RGS6: variants seen among roughly 807,000 people sequenced by gnomAD.
RGS6 encodes regulator of G-protein signaling 6.
Under a neutral mutation model 78.5 loss-of-function variants are expected in RGS6, and 30 were observed. The ratio of observed to expected loss-of-function variants is 0.38; its 90% CI spans 0.29 to 0.52. The LOEUF is 0.52. Among genes scored for constraint, RGS6 ranks in the 20% least tolerant of loss-of-function variants. RGS6 has a pLI of 0.85. For synonymous variants in RGS6, 206 were observed against 206.0 expected, an observed-to-expected ratio of 1.00 and a Z score of 0.00; for missense variants, 495 against 609.7, an observed-to-expected ratio of 0.81 and a Z score of 1.98.
chr14:72,004,219 C>G (rs1324707445), intron 2 of RGS6, among the ~76,000 whole-genome samples: 1 of 152,100 alleles, frequency 6.6e-6, no homozygotes, highest in Non-Finnish European at 1.5e-5. Context: ...GAACTTGGCT[C>G]AACCATTTAC....
chr14:72,082,557 T>A (rs1484214029), intron 2 of RGS6, among the ~76,000 whole-genome samples: 1 of 152,138 alleles, frequency 6.6e-6, no homozygotes, highest in Non-Finnish European at 1.5e-5. Context: ...ATGTTTAAGG[T>A]GGCAGATATA....
intron 1 of RGS6, among the ~76,000 whole-genome samples, chr14:71,944,206 C>A (rs879315063): frequency 1.3e-5 from 2 of 152,096 alleles, no homozygotes; most frequent in South Asian, 2.1e-4. Flanking sequence ...ACTATGGGTC[C>A]GTCATATGGT....
intron 3 of RGS6, among the ~76,000 whole-genome samples, chr14:72,454,225 G>A (rs1025747076): frequency 2.6e-5 from 4 of 152,302 alleles, no homozygotes; most frequent in Middle Eastern, 3.4e-3. Context: ...CTGGGGGCCA[G>A]GCATGATAAA....
chr14:72,207,513 G>A (rs1176461781), intron 2 of RGS6, among the ~76,000 whole-genome samples: 1 of 152,138 alleles, frequency 6.6e-6, no homozygotes. Context: ...TTCCATGGCT[G>A]CCCATTGCCC....
chr14:72,259,867 C>A (rs948182945), intron 2 of RGS6, among the ~76,000 whole-genome samples: 1 of 139,002 alleles, frequency 7.2e-6, no homozygotes. Flanking sequence ...GCCGAGATCG[C>A]GCCACTGCAC....
intron 2 of RGS6, among the ~76,000 whole-genome samples, chr14:72,025,629 C>T (rs1253001622): frequency 6.6e-6 from 1 of 152,086 alleles, no homozygotes; most frequent in African/African-American, 2.4e-5. Context: ...TGATCATCCT[C>T]TTTTTATGGT....
At chr14:72,545,703 C>T (rs11849959) in intron 17 of RGS6, among the ~76,000 whole-genome samples, 1,828 of 152,260 alleles carry the variant, frequency 0.012, 43 homozygotes, top group African/African-American at 0.041. Flanking sequence ...GGTGTATTTA[C>T]AAAGCCTGGA....
intron 2 of RGS6, among the ~76,000 whole-genome samples, chr14:72,260,187 C>T (rs1364295810): frequency 6.6e-6 from 1 of 152,090 alleles, no homozygotes; most frequent in East Asian, 1.9e-4. Flanking sequence ...TGACAATAGT[C>T]GTTACTGTTA....
At chr14:72,394,913 T>C (rs2090841398) in intron 3 of RGS6, among the ~76,000 whole-genome samples, 3 of 152,170 alleles carry the variant, frequency 2.0e-5, no homozygotes, top group African/African-American at 4.8e-5. Context: ...GCATAAGAAA[T>C]TATAAAAGTA....
At chr14:72,405,628 A>G (rs1267805283) in intron 3 of RGS6, among the ~76,000 whole-genome samples, 5 of 152,186 alleles carry the variant, frequency 3.3e-5, no homozygotes, top group African/African-American at 4.8e-5. Context: ...TTACAAGTAT[A>G]TGTTTATGGA....
At chr14:72,327,185 A>G (rs1013890726) in intron 2 of RGS6, among the ~76,000 whole-genome samples, 7 of 152,128 alleles carry the variant, frequency 4.6e-5, no homozygotes, top group Non-Finnish European at 7.3e-5. Flanking sequence ...ACCTATTCAA[A>G]AAGTTAATCA....
chr14:71,997,251 C>T (rs1461843114), intron 2 of RGS6, among the ~76,000 whole-genome samples: 1 of 152,152 alleles, frequency 6.6e-6, no homozygotes, highest in South Asian at 2.1e-4. Context: ...GCACCACTTA[C>T]TTGTGATAGA....
At chr14:72,208,280 AT>A (rs1448650245) in intron 2 of RGS6, among the ~76,000 whole-genome samples, 1 of 152,228 alleles carries the variant, frequency 6.6e-6, no homozygotes, top group Non-Finnish European at 1.5e-5. Context: ...CCATCAGAGC[AT>A]GGAACCAACA....
At chr14:71,998,578 A>G (rs1242351587) in intron 2 of RGS6, among the ~76,000 whole-genome samples, 1 of 152,222 alleles carries the variant, frequency 6.6e-6, no homozygotes, top group Admixed American at 6.5e-5. Context: ...GTATTAAGAA[A>G]TCTGTTTTCG....
the RGS6 span, among the ~76,000 whole-genome samples, chr14:72,611,232 T>C: frequency 6.6e-6 from 1 of 152,208 alleles, no homozygotes; most frequent in Non-Finnish European, 1.5e-5. Context: ...CTTCAGGGAA[T>C]AACTCAAAGC....
intron 2 of RGS6, among the ~76,000 whole-genome samples, chr14:72,133,458 C>T (rs534772728): frequency 1.3e-5 from 2 of 152,112 alleles, no homozygotes; most frequent in Non-Finnish European, 2.9e-5. Context: ...AATCGGTAAA[C>T]GCTGACCATA....
At chr14:71,930,521 T>C (rs2087793641), upstream of RGS6, among the ~76,000 whole-genome samples, 1 of 152,198 alleles carries the variant, frequency 6.6e-6, no homozygotes, top group African/African-American at 2.4e-5. Flanking sequence ...TGTATCAATA[T>C]GAAAATACAT....
intron 2 of RGS6, among the ~76,000 whole-genome samples, chr14:72,024,445 G>C (rs2089418201): frequency 6.6e-6 from 1 of 152,294 alleles, no homozygotes; most frequent in South Asian, 2.1e-4. Context: ...GTGGGTTTCT[G>C]TTGTTCCTGC....
the RGS6 span, among the ~76,000 whole-genome samples, chr14:72,584,741 A>G: frequency 6.6e-6 from 1 of 152,240 alleles, no homozygotes; most frequent in African/African-American, 2.4e-5. Context: ...CTAGCTCAAC[A>G]ACATTTACCA....
Sources: allele counts gnomAD v4.1 joint callset (sites outside exome capture counted in the v4.1 genomes callset), GRCh38; gene constraint gnomAD v4.1.1; transcripts MANE v1.5; gene names NCBI Gene and HGNC (gene_info 2026-07-23, HGNC 2026-07-21).